AFF3: variants seen among roughly 807,000 people sequenced by gnomAD.
AFF3 encodes the protein AF4/FMR2 family member 3.
Under a neutral mutation model 129.7 loss-of-function variants are expected in AFF3, and 32 were observed. The observed-to-expected ratio is 0.25, with a 90% CI of 0.19 to 0.33. AFF3 has a LOEUF of 0.33. AFF3 is among the 10% of genes least tolerant of loss of function. The pLI, the probability that AFF3 is intolerant of heterozygous loss-of-function variation, is 1.00. For missense variants in AFF3, 1,373 were observed against 1,592.0 expected, an observed-to-expected ratio of 0.86 and a Z score of 2.34; for synonymous variants, 644 against 635.4, an observed-to-expected ratio of 1.01 and a Z score of -0.20.
At chr2:99,764,626 T>G (rs1682864696) in intron 8 of AFF3, among the ~76,000 whole-genome samples, 1 of 152,224 alleles carries the variant, frequency 6.6e-6, no homozygotes, top group Non-Finnish European at 1.5e-5. Flanking sequence ...ATAATATGAT[T>G]CTCATTCTTT....
At chr2:99,628,649 T>TG (rs1682826126) in intron 13 of AFF3, among the ~76,000 whole-genome samples, 1 of 151,460 alleles carries the variant, frequency 6.6e-6, no homozygotes, top group South Asian at 2.1e-4. Context: ...TGCCACTTCC[T>TG]GGGTTCCAGA....
At chr2:99,806,978 A>G (rs1420225691) in intron 8 of AFF3, among the ~76,000 whole-genome samples, 2 of 152,170 alleles carry the variant, frequency 1.3e-5, no homozygotes, top group African/African-American at 4.8e-5. Flanking sequence ...ATGACCTCTA[A>G]GAGCTCAAAG....
intron 7 of AFF3, among the ~76,000 whole-genome samples, chr2:99,997,479 C>A (rs200998058): frequency 2.6e-5 from 4 of 151,690 alleles, no homozygotes; most frequent in South Asian, 2.1e-4. Flanking sequence ...ACTATCACCC[C>A]CCCCCCAGAT....
intron 4 of AFF3, among the ~76,000 whole-genome samples, chr2:100,033,798 A>G (rs1169847060): frequency 6.6e-6 from 1 of 152,190 alleles, no homozygotes; most frequent in African/African-American, 2.4e-5. Context: ...AATGTTCCAC[A>G]TAACTTTATA....
intron 8 of AFF3, among the ~76,000 whole-genome samples, 180 bp downstream of exon 8, chr2:99,837,297 G>C (rs906980578): frequency 2.0e-5 from 3 of 152,112 alleles, no homozygotes; most frequent in Admixed American, 6.5e-5. Flanking sequence ...GTGCCCAGAG[G>C]GGGTGCAGCT....
chr2:99,912,599 G>A (rs1179426218), intron 7 of AFF3, among the ~76,000 whole-genome samples: 1 of 151,982 alleles, frequency 6.6e-6, no homozygotes, highest in Non-Finnish European at 1.5e-5. Flanking sequence ...CACCAAATGG[G>A]CCCTCGAGAT....
At chr2:100,084,202 C>T (rs184094417) in intron 4 of AFF3, among the ~76,000 whole-genome samples, 2 of 152,312 alleles carry the variant, frequency 1.3e-5, no homozygotes, top group African/African-American at 2.4e-5. Flanking sequence ...AATAAACACT[C>T]GGCGACCACA....
At chr2:99,974,298 A>G (rs1315586158) in intron 7 of AFF3, among the ~76,000 whole-genome samples, 1 of 152,186 alleles carries the variant, frequency 6.6e-6, no homozygotes, top group Admixed American at 6.5e-5. Context: ...CGGAAACCTC[A>G]GCAAGAGGAG....
At chr2:100,079,506 T>G (rs975801025) in intron 4 of AFF3, among the ~76,000 whole-genome samples, 1 of 152,190 alleles carries the variant, frequency 6.6e-6, no homozygotes, top group Admixed American at 6.5e-5. Context: ...TGCTGCACCT[T>G]ATTTAACCAC....
intron 13 of AFF3, among the ~76,000 whole-genome samples, chr2:99,641,787 C>G (rs778411326): frequency 6.6e-6 from 1 of 152,134 alleles, no homozygotes; most frequent in Non-Finnish European, 1.5e-5. Context: ...AGAGTCGTCG[C>G]GAGGACTAAA....
chr2:99,692,928 G>C (rs1259067674), intron 11 of AFF3, among the ~76,000 whole-genome samples: 1 of 152,216 alleles, frequency 6.6e-6, no homozygotes, highest in Non-Finnish European at 1.5e-5. Flanking sequence ...GAGACTCTCT[G>C]AACAGGTACC....
intron 8 of AFF3, among the ~76,000 whole-genome samples, chr2:99,810,834 A>G (rs973790088): frequency 2.0e-5 from 3 of 152,034 alleles, no homozygotes; most frequent in Admixed American, 6.5e-5. Context: ...GCTCCTTGCA[A>G]TTTCTCAGGG....
At chr2:100,078,086 A>G (rs1474630517) in intron 4 of AFF3, among the ~76,000 whole-genome samples, 2 of 152,202 alleles carry the variant, frequency 1.3e-5, no homozygotes, top group Non-Finnish European at 2.9e-5. Context: ...TAAACTACAC[A>G]TATTTTGCAT....
intron 4 of AFF3, among the ~76,000 whole-genome samples, chr2:100,015,860 A>G (rs566091774): frequency 6.6e-6 from 1 of 152,102 alleles, no homozygotes; most frequent in Non-Finnish European, 1.5e-5. Context: ...GATGGTGGTG[A>G]TAGTGGTGGT....
intron 7 of AFF3, among the ~76,000 whole-genome samples, chr2:99,977,185 G>A (rs1678979717): frequency 6.6e-6 from 1 of 152,174 alleles, no homozygotes; most frequent in South Asian, 2.1e-4. Context: ...TACCACTGAT[G>A]GTCCCTTCAG....
chr2:100,035,221 A>G (rs1684807415), intron 4 of AFF3, among the ~76,000 whole-genome samples: 2 of 152,220 alleles, frequency 1.3e-5, no homozygotes, highest in Non-Finnish European at 2.9e-5. Flanking sequence ...CTCACTTTAC[A>G]CCAACTCTGT....
chr2:99,887,804 T>C (rs1375408420), intron 7 of AFF3, among the ~76,000 whole-genome samples: 1 of 152,236 alleles, frequency 6.6e-6, no homozygotes, highest in Non-Finnish European at 1.5e-5. Flanking sequence ...GGCATCCCTA[T>C]GGGACAGGTA....
intron 13 of AFF3, among the ~76,000 whole-genome samples, chr2:99,644,983 C>G (rs376837030): frequency 7.9e-5 from 12 of 152,192 alleles, no homozygotes; most frequent in African/African-American, 2.9e-4. Context: ...ATAAGTGAGA[C>G]GAATTCTGTC....
chr2:99,683,887 T>C (rs1674777621), intron 11 of AFF3, among the ~76,000 whole-genome samples: 2 of 152,212 alleles, frequency 1.3e-5, no homozygotes, highest in South Asian at 2.1e-4. Context: ...TGATAAATAC[T>C]ATGGGAGCAC....
Sources: allele counts gnomAD v4.1 joint callset (sites outside exome capture counted in the v4.1 genomes callset), GRCh38; gene constraint gnomAD v4.1.1; transcripts MANE v1.5; gene names NCBI Gene and HGNC (gene_info 2026-07-23, HGNC 2026-07-21).